The following ARHGEF10L variants were observed in gnomAD, a reference collection of about 807,000 sequenced individuals.
The protein encoded by ARHGEF10L is rho guanine nucleotide exchange factor 10-like protein.
Under a neutral mutation model 141.2 loss-of-function variants are expected in ARHGEF10L, and 69 were observed. That is an observed-to-expected ratio of 0.49 (90% CI 0.40 to 0.60). ARHGEF10L has a LOEUF of 0.60. Among genes scored for constraint, ARHGEF10L ranks in the 20% least tolerant of loss-of-function variants. The pLI is 0.00. For missense variants in ARHGEF10L, 1,482 were observed against 1,734.3 expected (o/e 0.85, Z 2.58); for synonymous variants, 711 against 718.5 (o/e 0.99, Z 0.17).
At position 17,656,727 on chromosome 1, in the gene ARHGEF10L, G is replaced by A. The variant is rs763644882; in HGVS notation, c.2860+19G>A. ...ACCAGCGGTGAGGACTGGGGGGAAT[G>A]GGGGAAGGGGGGCAGTCCTGGATGC... On this transcript the variant is annotated intron_variant, in intron 25 of 28. Coordinates refer to ENST00000361221, the MANE Select transcript of ARHGEF10L (RefSeq NM_018125.4). This position sits in a 1 kb window ranked among gnomAD's most constrained non-coding sequence, Gnocchi z 4.9. 2 of 1,603,256 alleles carry A rather than the reference G, an allele frequency of 1.2e-6. No individual in the cohort carries two copies. The highest frequency in any genetic ancestry group is 2.2e-5 in the East Asian group (1 of 44,598).
rs961445370 is a variant in ARHGEF10L, at chr1:17,615,544, G to C, written c.727-550G>C. On this transcript the variant is annotated intron_variant, in intron 8 of 28. Transcript: ENST00000361221. This position sits in a 1 kb window ranked among gnomAD's most constrained non-coding sequence, Gnocchi z 4.7. ...AGGGACGGGTCCCTCACCTGGGTTT[G>C]GCGGATGGGATGGGGGTGTGCACAC... 1 of 152,214 alleles carries C rather than the reference G, an allele frequency of 6.6e-6. No homozygotes were observed. Among genetic ancestry groups the C allele is most frequent in the Non-Finnish European group, 1.5e-5 (1 of 68,062 alleles). 9.4% of individuals were successfully genotyped at this position (152,214 alleles called of 1,614,324 possible). A position where few individuals can be genotyped will look rare whatever the true frequency, so the allele number is the denominator to read the frequency against.
chr1:17,667,566 C>T (rs778216830), intron 26 of ARHGEF10L, among the ~76,000 whole-genome samples: 2 of 152,216 alleles, frequency 1.3e-5, no homozygotes, highest in Non-Finnish European at 2.9e-5. Flanking sequence ...AATTGGGGCA[C>T]ACCAGGTAGG....
chr1:17,640,163 T>C, intron 20 of ARHGEF10L, 39 bp from the exon 21 acceptor site: 1 of 1,589,512 alleles, frequency 6.3e-7, no homozygotes, highest in Non-Finnish European at 8.6e-7. Flanking sequence ...GGCCCTTGTG[T>C]GGGTACTCAC....
rs757891123 is a variant in ARHGEF10L, at chr1:17,607,792, TGGCCAGCAG to T, written c.434-7_435del. ...GGGCCTGGGCTCACCGGCTGCCGCT[TGGCCAGCAG>T]GGGCAGAGAGGAACCTGCTCTACGA... is the stretch of plus-strand genomic sequence containing the variant. On this transcript the variant is annotated splice_acceptor_variant and splice_polypyrimidine_tract_variant and intron_variant, in intron 6 of 28. Coordinates refer to ENST00000361221, the MANE Select transcript of ARHGEF10L (RefSeq NM_018125.4). LOFTEE classifies it high-confidence loss of function. The surrounding 1 kb of genome is among the most constrained non-coding windows in gnomAD (Gnocchi z 4.5). 1 of 1,557,126 alleles carries T rather than the reference TGGCCAGCAG, an allele frequency of 6.4e-7. No individual in the cohort carries two copies. Among genetic ancestry groups the T allele is most frequent in the Non-Finnish European group, 8.7e-7 (1 of 1,155,250 alleles).
intron 27 of ARHGEF10L, chr1:17,694,395 CCT>C: frequency 6.3e-6 from 1 of 158,348 alleles, no homozygotes; most frequent in Admixed American, 5.9e-5. Context: ...GCTCTGGAGC[CCT>C]GTTCTCAGCC....
In ARHGEF10L at chr1:17,583,160, G is replaced by A. The variant is rs374741444; in HGVS notation, c.37+2528G>A. Reference sequence around the variant, plus strand: ...GTTGAGGCTGCAGTGAGCCATGATCGCACCACTGCCCTCCAGCCTGGGTGA... The same window carrying A: ...GTTGAGGCTGCAGTGAGCCATGATCACACCACTGCCCTCCAGCCTGGGTGA... On this transcript the variant is annotated intron_variant, in intron 2 of 28. Transcript: ENST00000361221. Among the ~76,000 whole-genome samples, 17 of 143,056 alleles carry A rather than the reference G, an allele frequency of 1.2e-4. 1 individual carries two copies. Among genetic ancestry groups the A allele is most frequent in the African/African-American group, 2.6e-4 (10 of 38,064 alleles). The allele number at this position is 143,056 out of a possible 152,430, so 93.9% of individuals were successfully genotyped here.
intron 4 of ARHGEF10L, among the ~76,000 whole-genome samples, chr1:17,593,698 T>C (rs1193378053): frequency 6.6e-6 from 1 of 152,052 alleles, no homozygotes; most frequent in East Asian, 1.9e-4. Flanking sequence ...CTTTTAGCCC[T>C]GCGAACCCCT....
At chr1:17,687,498 C>T in intron 26 of ARHGEF10L, 75 bp from the exon 27 acceptor site, 2 of 1,537,572 alleles carry the variant, frequency 1.3e-6, no homozygotes, top group Non-Finnish European at 8.9e-7. Flanking sequence ...AATGGCTGGC[C>T]CAGGGGTGGG....
chr1:17,550,107 T>C (rs947065068), intron 1 of ARHGEF10L, among the ~76,000 whole-genome samples: 11 of 152,228 alleles, frequency 7.2e-5, no homozygotes, highest in South Asian at 2.1e-4. Context: ...GGCAGTGGAA[T>C]AGGAGAAAAG....
rs761629980 is a variant in ARHGEF10L, at chr1:17,664,433, C to T, written c.2861-14C>T. On this transcript the variant is annotated splice_polypyrimidine_tract_variant and intron_variant, in intron 25 of 28. Coordinates refer to ENST00000361221, the MANE Select transcript of ARHGEF10L (RefSeq NM_018125.4). ...GCTCCTGGCCCCTGACCTGCCTCCC[C>T]TCTCTCCCTGCAGGAGGTGTCCTGT... 1.3e-6 allele frequency: 2 copies of T among 1,599,886 alleles called. No homozygotes were observed. Among genetic ancestry groups the T allele is most frequent in the East Asian group, 4.5e-5 (2 of 44,734 alleles).
intron 12 of ARHGEF10L, 91 bp from the exon 13 acceptor site, chr1:17,624,296 T>C: frequency 1.0e-6 from 1 of 993,974 alleles, no homozygotes; most frequent in East Asian, 2.4e-5. Flanking sequence ...GCTCCCTGCC[T>C]TGAGGCGGCC....
At chr1:17,637,694 C>T (rs546833745) in intron 18 of ARHGEF10L, among the ~76,000 whole-genome samples, 194 bp from the exon 19 acceptor site, 21 of 152,198 alleles carry the variant, frequency 1.4e-4, no homozygotes, top group Admixed American at 7.9e-4. Context: ...TTAGTACAGA[C>T]GGGGTTTCAC....
intron 26 of ARHGEF10L, among the ~76,000 whole-genome samples, chr1:17,686,228 T>A (rs2064583175): frequency 6.6e-6 from 1 of 152,142 alleles, no homozygotes; most frequent in Non-Finnish European, 1.5e-5. Context: ...TACCTGACTG[T>A]CCCCATGGCT....
At position 17,656,113 on chromosome 1, in the gene ARHGEF10L, C is replaced by G; in HGVS notation, c.2705+11C>G. On this transcript the variant is annotated intron_variant, in intron 24 of 28. Transcript: ENST00000361221. The surrounding 1 kb of genome is among the most constrained non-coding windows in gnomAD (Gnocchi z 4.9). ...GCTCCAGGATGGCAGGTGAGGGGCC[C>G]GGAAGGAGGGGTGAGAGCAGCCTCT... 3.9e-6 allele frequency: 6 copies of G among 1,549,542 alleles called. No homozygotes were observed. Among genetic ancestry groups the G allele is most frequent in the Non-Finnish European group, 4.4e-6 (5 of 1,147,168 alleles).
At chr1:17,671,870 A>G (rs913952561) in intron 26 of ARHGEF10L, among the ~76,000 whole-genome samples, 4 of 152,208 alleles carry the variant, frequency 2.6e-5, no homozygotes, top group African/African-American at 9.7e-5. Context: ...GCCAGGCCTG[A>G]CGCAGAGCAG....
intron 1 of ARHGEF10L, among the ~76,000 whole-genome samples, chr1:17,552,291 C>T (rs979516677): frequency 7.9e-5 from 12 of 152,270 alleles, no homozygotes; most frequent in African/African-American, 2.4e-4. Flanking sequence ...TCTTGGTTCC[C>T]TCGCCTGTAG....
chr1:17,684,895 G>A (rs1367826672), intron 26 of ARHGEF10L, among the ~76,000 whole-genome samples: 2 of 152,004 alleles, frequency 1.3e-5, no homozygotes, highest in African/African-American at 2.4e-5. Flanking sequence ...CTTGCTACTC[G>A]CAGCTCAGCC....
In ARHGEF10L at chr1:17,613,119, C is replaced by T; in HGVS notation, c.671C>T (p.Ala224Val). Residue 224 changes from alanine (A) to valine (V), a missense_variant, in exon 8 of 29, where the codon GCT becomes GTT. By Grantham distance (64) the Ala-to-Val change is moderately conservative. This residue lies in a region of ARHGEF10L where 392 missense variants were observed against 542.1 expected (regional missense o/e 0.72). Transcript: ENST00000361221. ...RYARTKRDILALRVGGRDMQE... is the reference protein window; with the variant it reads ...RYARTKRDILVLRVGGRDMQE... The stretch of plus-strand genomic sequence containing the variant: ...GCCAGGACTAAGAGAGACATCTTGG[C>T]TTTGAGAGTTGGGGGGAGAGACATG... The T allele has an allele frequency of 6.2e-7, 1 of 1,614,050 alleles. No homozygotes were observed. Among genetic ancestry groups the T allele is most frequent in the Non-Finnish European group, 8.5e-7 (1 of 1,179,980 alleles).
At chr1:17,574,479 A>G (rs7516512) in intron 1 of ARHGEF10L, among the ~76,000 whole-genome samples, 15,311 of 152,220 alleles carry the variant, frequency 0.1, 930 homozygotes, top group Middle Eastern at 0.17. Flanking sequence ...GGAAACTGAC[A>G]TTCATTACAA....
Sources: allele counts gnomAD v4.1 joint callset (sites outside exome capture counted in the v4.1 genomes callset), GRCh38; gene constraint gnomAD v4.1.1; regional missense constraint gnomAD v4.1.1; non-coding constraint Gnocchi (gnomAD v3.1); transcripts MANE v1.5; gene names NCBI Gene and HGNC (gene_info 2026-07-23, HGNC 2026-07-21).